The following TESK2 variants were observed in gnomAD, a reference collection of about 807,000 sequenced individuals.
The protein encoded by TESK2 is testis associated actin remodelling kinase 2.
TESK2 carries 39 observed loss-of-function variants against 57.1 expected under a neutral mutation model. That is an observed-to-expected ratio of 0.68 (90% CI 0.53 to 0.89). The LOEUF (loss-of-function observed/expected upper bound fraction) is 0.89. Ranked by LOEUF, TESK2 falls within the 40% of genes least tolerant of loss-of-function variation. The probability of loss-of-function intolerance (pLI) is 0.00; values close to 1 mark genes in which losing one functional copy is unlikely to be tolerated. For missense variants in TESK2, 646 were observed against 732.1 expected, an observed-to-expected ratio of 0.88 and a Z score of 1.36; for synonymous variants, 249 against 267.9, an observed-to-expected ratio of 0.93 and a Z score of 0.69.
At chr1:45,446,762 T>C (rs1189695670) in intron 2 of TESK2, among the ~76,000 whole-genome samples, 1 of 152,138 alleles carries the variant, frequency 6.6e-6, no homozygotes, top group African/African-American at 2.4e-5. Flanking sequence ...ATATACAAAG[T>C]CAAACTTCCC....
At chr1:45,428,428 G>T (rs1650789420) in intron 2 of TESK2, among the ~76,000 whole-genome samples, 2 of 152,150 alleles carry the variant, frequency 1.3e-5, no homozygotes, top group South Asian at 4.1e-4. Flanking sequence ...GATCTTGTAT[G>T]TATCTCACAA....
chr1:45,394,838 C>A (rs545533683), intron 3 of TESK2, among the ~76,000 whole-genome samples: 4 of 151,692 alleles, frequency 2.6e-5, no homozygotes, highest in African/African-American at 7.3e-5. Context: ...TTAGAGGCGG[C>A]CACCACACCT....
chr1:45,452,402 A>T (rs1409572958), intron 2 of TESK2, among the ~76,000 whole-genome samples: 1 of 152,230 alleles, frequency 6.6e-6, no homozygotes, highest in Non-Finnish European at 1.5e-5. Context: ...TACTATCAGG[A>T]TATGTAAAGA....
intron 3 of TESK2, among the ~76,000 whole-genome samples, chr1:45,391,043 G>A (rs933102513): frequency 6.6e-6 from 1 of 150,964 alleles, no homozygotes; most frequent in African/African-American, 2.4e-5. Context: ...CCAGCCTCCC[G>A]AGTAGCTGGA....
At chr1:45,422,410 G>T (rs998613137) in intron 2 of TESK2, among the ~76,000 whole-genome samples, 7 of 152,114 alleles carry the variant, frequency 4.6e-5, no homozygotes, top group African/African-American at 1.7e-4. Context: ...AAAAAATGAA[G>T]AAATAAATAA....
intron 2 of TESK2, among the ~76,000 whole-genome samples, chr1:45,426,290 A>T (rs1650685920): frequency 6.6e-6 from 1 of 152,240 alleles, no homozygotes; most frequent in South Asian, 2.1e-4. Context: ...GAATCCAATA[A>T]CAAATCCATA....
chr1:45,442,887 G>A (rs1389115097), intron 2 of TESK2, among the ~76,000 whole-genome samples: 1 of 152,180 alleles, frequency 6.6e-6, no homozygotes, highest in Non-Finnish European at 1.5e-5. Context: ...CTGGGTTCAA[G>A]CAATTCTCCT....
chr1:45,411,542 T>C (rs1650040710), intron 3 of TESK2, among the ~76,000 whole-genome samples: 2 of 152,140 alleles, frequency 1.3e-5, no homozygotes, highest in Admixed American at 6.6e-5. Context: ...CCTCCTGCTG[T>C]GTGGCCCAGT....
chr1:45,459,553 T>C (rs1652251793), intron 1 of TESK2, among the ~76,000 whole-genome samples: 1 of 152,126 alleles, frequency 6.6e-6, no homozygotes, highest in Admixed American at 6.5e-5. Flanking sequence ...AACAAAAATT[T>C]AGGGTTAGCT....
intron 4 of TESK2, among the ~76,000 whole-genome samples, chr1:45,360,560 A>G (rs1298895432): frequency 6.6e-6 from 1 of 152,040 alleles, no homozygotes; most frequent in African/African-American, 2.4e-5. Context: ...TGGAGAGCAC[A>G]GGAAAAGGTG....
chr1:45,390,360 A>G (rs1198632225), intron 3 of TESK2, among the ~76,000 whole-genome samples: 1 of 152,154 alleles, frequency 6.6e-6, no homozygotes, highest in African/African-American at 2.4e-5. Context: ...GCTACTCAGT[A>G]GGCTGAGGCA....
intron 2 of TESK2, among the ~76,000 whole-genome samples, chr1:45,428,870 G>GGAGTGCAGTGGCGTGA (rs1420785585): frequency 7.9e-6 from 1 of 126,370 alleles, no homozygotes; most frequent in Non-Finnish European, 1.6e-5. Flanking sequence ...CACCCAGGCT[G>GGAGTGCAGTGGCGTGA]GAGTGCAGTG....
chr1:45,397,789 C>T (rs77072601), intron 3 of TESK2, among the ~76,000 whole-genome samples: 3,101 of 152,220 alleles, frequency 0.02, 118 homozygotes, highest in African/African-American at 0.071. Flanking sequence ...TTTTTCAAAG[C>T]TCTATGAATC....
chr1:45,450,706 C>T (rs1362277121), intron 2 of TESK2, among the ~76,000 whole-genome samples: 1 of 151,946 alleles, frequency 6.6e-6, no homozygotes, highest in Non-Finnish European at 1.5e-5. Context: ...ATGCAAAATC[C>T]ACAAGTTGTA....
intron 5 of TESK2, among the ~76,000 whole-genome samples, chr1:45,351,490 T>C (rs192513200): frequency 1.3e-5 from 2 of 152,354 alleles, no homozygotes; most frequent in East Asian, 1.9e-4. Flanking sequence ...AGGAGGCACG[T>C]TGATAGGAAA....
At chr1:45,476,653 C>T (rs1653003492) in intron 1 of TESK2, among the ~76,000 whole-genome samples, 1 of 151,598 alleles carries the variant, frequency 6.6e-6, no homozygotes, top group African/African-American at 2.4e-5. Context: ...CAAGGCCATC[C>T]TGGCTAACAC....
chr1:45,424,098 C>G (rs1441711507), intron 2 of TESK2, among the ~76,000 whole-genome samples: 1 of 152,166 alleles, frequency 6.6e-6, no homozygotes, highest in Non-Finnish European at 1.5e-5. Flanking sequence ...TGTCATCATC[C>G]TACGGACTTC....
chr1:45,377,488 G>A (rs1034768018), intron 4 of TESK2, among the ~76,000 whole-genome samples: 20 of 148,466 alleles, frequency 1.3e-4, no homozygotes, highest in African/African-American at 4.5e-4. Flanking sequence ...GTGCGATCCC[G>A]GCTCACTGCC....
chr1:45,364,444 G>C (rs1309708936), intron 4 of TESK2, among the ~76,000 whole-genome samples: 1 of 152,148 alleles, frequency 6.6e-6, no homozygotes. Context: ...AGGCAAGAAG[G>C]ATCTTCCCGT....
Sources: gnomAD v4.1 joint callset for allele counts (sites outside exome capture counted in the v4.1 genomes callset) on GRCh38, gnomAD v4.1.1 for gene constraint, MANE v1.5 for transcripts, NCBI Gene and HGNC (gene_info 2026-07-23, HGNC 2026-07-21) for gene names.